RYK: variants seen among roughly 807,000 people sequenced by gnomAD.
The protein encoded by RYK is receptor like tyrosine kinase, also known as inactive tyrosine-protein kinase RYK.
A neutral mutation model predicts 70.2 loss-of-function variants in RYK; 21 were observed. The observed-to-expected ratio is 0.30, with a 90% CI of 0.21 to 0.43. The LOEUF (loss-of-function observed/expected upper bound fraction) is 0.43, where lower values mean the gene tolerates loss of function less well. Ranked by LOEUF, RYK falls within the 20% of genes least tolerant of loss-of-function variation. RYK has a pLI of 1.00. For missense variants in RYK, 604 were observed against 753.3 expected, an observed-to-expected ratio of 0.80 and a Z score of 2.32; for synonymous variants, 267 against 278.0, an observed-to-expected ratio of 0.96 and a Z score of 0.39.
At chr3:134,187,208 C>T (rs2013492878) in intron 9 of RYK, among the ~76,000 whole-genome samples, 1 of 152,112 alleles carries the variant, frequency 6.6e-6, no homozygotes, top group African/African-American at 2.4e-5. Flanking sequence ...CAATTTTGTT[C>T]AATTAAAAGC....
intron 2 of RYK, among the ~76,000 whole-genome samples, chr3:134,213,180 C>A (rs963350442): frequency 3.3e-5 from 5 of 152,198 alleles, no homozygotes; most frequent in African/African-American, 1.2e-4. Context: ...TACATCCCTA[C>A]ACCGATGCTA....
At chr3:134,222,894 A>C (rs1207032917) in intron 1 of RYK, among the ~76,000 whole-genome samples, 1 of 152,148 alleles carries the variant, frequency 6.6e-6, no homozygotes, top group Non-Finnish European at 1.5e-5. Flanking sequence ...CCCCTTCCCC[A>C]AAAAATTTAC....
At chr3:134,237,472 A>C (rs188842471) in intron 1 of RYK, among the ~76,000 whole-genome samples, 110 of 152,328 alleles carry the variant, frequency 7.2e-4, no homozygotes, top group Admixed American at 1.8e-3. Context: ...AAAGTCAACT[A>C]CATCAAAGAT....
intron 2 of RYK, 96 bp from the exon 3 acceptor site, chr3:134,211,703 A>G: frequency 1.3e-6 from 1 of 742,772 alleles, no homozygotes; most frequent in South Asian, 1.6e-5. Flanking sequence ...TCAATGGATG[A>G]GCCTTTCATA....
intron 7 of RYK, among the ~76,000 whole-genome samples, chr3:134,193,796 C>G (rs1399515083): frequency 6.6e-6 from 1 of 152,162 alleles, no homozygotes; most frequent in East Asian, 1.9e-4. Flanking sequence ...ACTGGGTCGG[C>G]TACCCTGGAA....
At chr3:134,250,358 C>T in intron 1 of RYK, 65 bp downstream of exon 1, 2 of 1,070,228 alleles carry the variant, frequency 1.9e-6, no homozygotes, top group East Asian at 3.5e-5. Flanking sequence ...GACTGATCCG[C>T]CGGCGGCCGG....
chr3:134,192,002 C>T, intron 7 of RYK, 28 bp from the exon 8 acceptor site: 5 of 1,610,536 alleles, frequency 3.1e-6, no homozygotes, highest in Non-Finnish European at 3.4e-6. Context: ...CCAAACCAAG[C>T]AATATAAATA....
intron 1 of RYK, among the ~76,000 whole-genome samples, chr3:134,243,572 G>T (rs370298490): frequency 1.3e-5 from 2 of 152,256 alleles, no homozygotes; most frequent in South Asian, 2.1e-4. Flanking sequence ...GGCGCTCCAT[G>T]GCTTTGCTAA....
intron 1 of RYK, among the ~76,000 whole-genome samples, chr3:134,232,229 CTCAATTACT>C (rs2015073703): frequency 6.6e-6 from 1 of 152,134 alleles, no homozygotes; most frequent in South Asian, 2.1e-4. Flanking sequence ...AGGCCTCAAC[CTCAATTACT>C]TCAATTACTT....
At position 134,222,428 on chromosome 3, in the gene RYK, G is replaced by A. The variant is rs1426715457; in HGVS notation, c.344C>T (p.Ala115Val). The A allele has an allele frequency of 6.2e-7, 1 of 1,612,752 alleles. No individual in the cohort carries two copies. The highest frequency in any genetic ancestry group is 1.3e-5 in the African/African-American group (1 of 74,876). The change falls in exon 2 of 15, where the codon GCG (alanine) becomes GTG (valine). Residue 115 changes from alanine (A) to valine (V), a missense_variant. By Grantham distance (64) the Ala-to-Val change is moderately conservative. Transcript: ENST00000623711. Reference protein sequence around the residue: ...ETNFLHFTWHAKSKVEYKLGF... With the variant: ...ETNFLHFTWHVKSKVEYKLGF... ...TAGCCACTCTCTTACCTTGGACTTC[G>A]CATGCCAGGTGAAGTGCAGGAAATT... is the stretch of plus-strand genomic sequence containing the variant.
intron 9 of RYK, among the ~76,000 whole-genome samples, chr3:134,186,447 A>G (rs193242386): frequency 2.0e-5 from 3 of 152,356 alleles, no homozygotes; most frequent in Admixed American, 2.0e-4. Context: ...GGTCAGCTCT[A>G]TGTGGCTACA....
chr3:134,227,750 A>G (rs1186996816), intron 1 of RYK, among the ~76,000 whole-genome samples: 1 of 151,940 alleles, frequency 6.6e-6, no homozygotes, highest in African/African-American at 2.4e-5. Flanking sequence ...GCTCACTGCA[A>G]GCTCTGCCTC....
chr3:134,227,447 C>A (rs2014943398), intron 1 of RYK, among the ~76,000 whole-genome samples: 1 of 151,702 alleles, frequency 6.6e-6, no homozygotes, highest in Non-Finnish European at 1.5e-5. Flanking sequence ...CAACAACGAT[C>A]TTGAAAATGA....
At chr3:134,220,635 A>C (rs183588175) in intron 2 of RYK, among the ~76,000 whole-genome samples, 15 of 152,310 alleles carry the variant, frequency 9.8e-5, no homozygotes, top group African/African-American at 3.4e-4. Flanking sequence ...TTCTGAACAA[A>C]GATGTTCTTA....
intron 1 of RYK, among the ~76,000 whole-genome samples, chr3:134,223,801 A>T (rs1188548397): frequency 1.3e-5 from 2 of 152,178 alleles, no homozygotes; most frequent in Non-Finnish European, 2.9e-5. Flanking sequence ...AACAGCCAAA[A>T]TGCAAATTTC....
intron 2 of RYK, among the ~76,000 whole-genome samples, chr3:134,215,217 T>A (rs1359414017): frequency 6.7e-6 from 1 of 149,322 alleles, no homozygotes; most frequent in Non-Finnish European, 1.5e-5. Flanking sequence ...TCCAGGGCCA[T>A]AACTGCAGTT....
At chr3:134,213,242 C>T (rs960004716) in intron 2 of RYK, among the ~76,000 whole-genome samples, 3 of 152,148 alleles carry the variant, frequency 2.0e-5, no homozygotes, top group South Asian at 2.1e-4. Flanking sequence ...AAATCAGCAC[C>T]GCCAGCAAGA....
intron 1 of RYK, among the ~76,000 whole-genome samples, chr3:134,229,738 A>G (rs1250038744): frequency 6.6e-6 from 1 of 152,158 alleles, no homozygotes; most frequent in Non-Finnish European, 1.5e-5. Context: ...AACCAAATTA[A>G]ATAAAATGGA....
At position 134,226,332 on chromosome 3, in the gene RYK, AAAG is replaced by A. The variant is rs573343895; in HGVS notation, c.233-3796_233-3794del. Among the ~76,000 whole-genome samples, 578 of 152,252 alleles carry A rather than the reference AAAG, an allele frequency of 3.8e-3. 3 individuals are homozygous for A. Among genetic ancestry groups the A allele is most frequent in the African/African-American group, 0.013 (537 of 41,574 alleles). The stretch of plus-strand genomic sequence containing the variant: ...TTTAAAAACATAATTTACCAAACTA[AAAG>A]AAATAAAAATTTCAATTAAAAACCT... On this transcript the variant is annotated intron_variant, in intron 1 of 14. Transcript: ENST00000623711.
Sources: allele counts gnomAD v4.1 joint callset (sites outside exome capture counted in the v4.1 genomes callset), GRCh38; gene constraint gnomAD v4.1.1; transcripts MANE v1.5; gene names NCBI Gene and HGNC (gene_info 2026-07-23, HGNC 2026-07-21).